COL4A2: variants seen among roughly 807,000 people sequenced by gnomAD.
COL4A2 encodes collagen alpha-2(IV) chain.
In COL4A2, 99 loss-of-function variants were observed where a neutral mutation model predicts 200.2. That is an observed-to-expected ratio of 0.49 (90% confidence interval 0.42 to 0.58). COL4A2 has a LOEUF of 0.58. Ranked by LOEUF, COL4A2 falls within the 20% of genes least tolerant of loss-of-function variation. COL4A2 has a pLI of 0.00. For missense variants in COL4A2, 1,950 were observed against 2,314.1 expected (o/e 0.84, Z 3.23); for synonymous variants, 897 against 900.6 (o/e 1.00, Z 0.07).
intron 3 of COL4A2, among the ~76,000 whole-genome samples, chr13:110,354,345 A>C (rs1283979068): frequency 2.0e-5 from 3 of 152,194 alleles, no homozygotes; most frequent in Non-Finnish European, 4.4e-5. Context: ...TTGGTGCTAA[A>C]CTTTCTGGCT....
chr13:110,472,837 A>G, intron 28 of COL4A2, 92 bp from the exon 29 acceptor site: 1 of 1,288,076 alleles, frequency 7.8e-7, no homozygotes. Flanking sequence ...CCCATAGCCA[A>G]ATTTTTGCTG....
intron 4 of COL4A2, among the ~76,000 whole-genome samples, chr13:110,381,513 T>A (rs2139411641): frequency 6.6e-6 from 1 of 152,370 alleles, no homozygotes; most frequent in Admixed American, 6.5e-5. Flanking sequence ...AGGCTGTGCA[T>A]CTTTCTGCCA....
intron 3 of COL4A2, among the ~76,000 whole-genome samples, chr13:110,337,670 C>T (rs1248776514): frequency 6.6e-6 from 1 of 152,206 alleles, no homozygotes; most frequent in African/African-American, 2.4e-5. Flanking sequence ...AGGTCCTGCT[C>T]CACATCTGAC....
chr13:110,498,067 T>C (rs966506505), intron 40 of COL4A2, among the ~76,000 whole-genome samples: 12 of 152,370 alleles, frequency 7.9e-5, no homozygotes, highest in African/African-American at 2.9e-4. Context: ...GAGTTGACCA[T>C]GCCCGTGACC....
At chr13:110,448,253 G>A (rs575978348) in intron 18 of COL4A2, among the ~76,000 whole-genome samples, 1 of 152,292 alleles carries the variant, frequency 6.6e-6, no homozygotes, top group East Asian at 1.9e-4. Flanking sequence ...GTTAATGCTG[G>A]CGATGTTTCT....
rs1044983081 is a variant in COL4A2 at position 110,336,062 on chromosome 13, G to A, written c.100-21410G>A. On this transcript the variant is annotated intron_variant, in intron 3 of 47. Coordinates refer to ENST00000360467, the MANE Select transcript of COL4A2 (RefSeq NM_001846.4). ...CCCCAGAGCTGACATATGTGAAAAT[G>A]AAGACTGCAAAAATTTGCCTCTATG... Among the ~76,000 whole-genome samples, 8 of 152,190 alleles carry A rather than the reference G, an allele frequency of 5.3e-5. 1 individual carries two copies. Among genetic ancestry groups the A allele is most frequent in the Non-Finnish European group, 2.9e-5 (2 of 68,040 alleles).
At chr13:110,465,172 T>C (rs539780963) in intron 24 of COL4A2, among the ~76,000 whole-genome samples, 67 of 152,180 alleles carry the variant, frequency 4.4e-4, no homozygotes, top group Non-Finnish European at 1.8e-4. Context: ...TGCTCAAGCA[T>C]GTACATGTGC....
intron 4 of COL4A2, among the ~76,000 whole-genome samples, chr13:110,408,475 C>T (rs987986453): frequency 6.6e-6 from 1 of 152,224 alleles, no homozygotes; most frequent in African/African-American, 2.4e-5. Flanking sequence ...GCTTCACCGT[C>T]GGCTGGCCGT....
At chr13:110,495,544 T>A in intron 40 of COL4A2, 77 bp downstream of exon 40, 1 of 1,536,510 alleles carries the variant, frequency 6.5e-7, no homozygotes, top group Middle Eastern at 1.8e-4. Flanking sequence ...ATGGAGTGTC[T>A]ATGGGGTGGG....
intron 38 of COL4A2, 140 bp from the exon 39 acceptor site, chr13:110,493,071 A>C: frequency 1.2e-6 from 1 of 857,046 alleles, no homozygotes. Context: ...ACGATGAGTG[A>C]CACCCCCATG....
At chr13:110,392,621 C>T (rs1463063993) in intron 4 of COL4A2, among the ~76,000 whole-genome samples, 1 of 152,138 alleles carries the variant, frequency 6.6e-6, no homozygotes, top group Non-Finnish European at 1.5e-5. Context: ...AAAAAAAGAC[C>T]ATATTAGTAC....
chr13:110,350,252 G>A (rs1030775004), intron 3 of COL4A2, among the ~76,000 whole-genome samples: 3 of 152,162 alleles, frequency 2.0e-5, no homozygotes, highest in Admixed American at 2.0e-4. Flanking sequence ...CACATCTTAT[G>A]CCTTTACATA....
At chr13:110,449,178 A>G (rs1440448941) in intron 18 of COL4A2, among the ~76,000 whole-genome samples, 1 of 152,228 alleles carries the variant, frequency 6.6e-6, no homozygotes, top group Non-Finnish European at 1.5e-5. Context: ...ATCTTTCCCA[A>G]TTATAGTCTA....
At chr13:110,322,646 C>A (rs1376195584) in intron 3 of COL4A2, among the ~76,000 whole-genome samples, 1 of 152,224 alleles carries the variant, frequency 6.6e-6, no homozygotes, top group Non-Finnish European at 1.5e-5. Flanking sequence ...CCAGCCTCCC[C>A]TCTTCCTGTG....
intron 40 of COL4A2, among the ~76,000 whole-genome samples, chr13:110,497,190 G>T (rs1293455500): frequency 6.6e-6 from 1 of 151,596 alleles, no homozygotes; most frequent in East Asian, 2.0e-4. Flanking sequence ...CCACCCAGGA[G>T]TGAGGATCCA....
At chr13:110,311,470 G>T (rs1324260200) in intron 3 of COL4A2, among the ~76,000 whole-genome samples, 1 of 152,192 alleles carries the variant, frequency 6.6e-6, no homozygotes, top group Non-Finnish European at 1.5e-5. Flanking sequence ...TGCCGCCTGG[G>T]GCGGACATTC....
In COL4A2 at chr13:110,467,038, A is replaced by C. The variant is rs1882268544; in HGVS notation, c.2039-2A>C. On this transcript the variant is annotated splice_acceptor_variant, in intron 26 of 47. Transcript: ENST00000360467. LOFTEE classifies it high-confidence loss of function. ...CTCATCTTTTCTCCTTTCTGTCCCC[A>C]GGTTGCATAGGAGGGCCCAAGGGAT... 1 of 1,613,840 alleles carries C rather than the reference A, an allele frequency of 6.2e-7. No homozygotes were observed. The highest frequency in any genetic ancestry group is 8.5e-7 in the Non-Finnish European group (1 of 1,179,986).
In COL4A2 at chr13:110,484,771, C is replaced by T. The variant is rs1883053035; in HGVS notation, c.2903-134C>T. 3.9e-6 allele frequency: 5 copies of T among 1,294,752 alleles called. No individual in the cohort carries two copies. The South Asian group carries it at 1.0e-4, about 27-fold the overall frequency. The allele number at this position is 1,294,752 out of a possible 1,614,324, so 80.2% of individuals were successfully genotyped here. On this transcript the variant is annotated intron_variant, in intron 32 of 47. Transcript: ENST00000360467. ...GGACACAGGAGAGGCTTCTCCGGCG[C>T]CCTTGGTCTCTCTCCAAGGCTTCCC...
chr13:110,493,695 G>A (rs1028526352), intron 39 of COL4A2, among the ~76,000 whole-genome samples: 1 of 152,166 alleles, frequency 6.6e-6, no homozygotes, highest in African/African-American at 2.4e-5. Flanking sequence ...CTGCCCCTGG[G>A]CAGTTCTGAT....
Sources: gnomAD v4.1 joint callset for allele counts (sites outside exome capture counted in the v4.1 genomes callset) on GRCh38, gnomAD v4.1.1 for gene constraint, MANE v1.5 for transcripts, NCBI Gene and HGNC (gene_info 2026-07-23, HGNC 2026-07-21) for gene names.